EPB41L4A: variants seen among roughly 807,000 people sequenced by gnomAD.
EPB41L4A encodes band 4.1-like protein 4A.
EPB41L4A carries 100 observed loss-of-function variants against 108.6 expected under a neutral mutation model. The ratio of observed to expected loss-of-function variants is 0.92; its 90% CI spans 0.78 to 1.09. The LOEUF is 1.09. Among genes scored for constraint, EPB41L4A ranks in the 50% least tolerant of loss-of-function variants. The pLI, the probability that EPB41L4A is intolerant of heterozygous loss-of-function variation, is 0.00. For missense variants in EPB41L4A, 1,030 were observed against 842.7 expected (o/e 1.22, Z -2.75); for synonymous variants, 319 against 289.0 (o/e 1.10, Z -1.05).
intron 12 of EPB41L4A, among the ~76,000 whole-genome samples, chr5:112,153,092 G>C (rs1214278607): frequency 6.6e-6 from 1 of 152,012 alleles, no homozygotes; most frequent in South Asian, 2.1e-4. Flanking sequence ...GGTGTTGTGG[G>C]CCTGTGGTCC....
intron 1 of EPB41L4A, among the ~76,000 whole-genome samples, chr5:112,342,934 T>C (rs1222016519): frequency 6.6e-6 from 1 of 152,220 alleles, no homozygotes; most frequent in African/African-American, 2.4e-5. Context: ...GTACTTTGGA[T>C]AGAACGGTTT....
At chr5:112,366,296 A>AG (rs1759115511) in intron 1 of EPB41L4A, among the ~76,000 whole-genome samples, 2 of 141,096 alleles carry the variant, frequency 1.4e-5, no homozygotes, top group Admixed American at 1.4e-4. Flanking sequence ...AATCATTTTT[A>AG]GAAAAAAAAA....
At chr5:112,237,837 T>C (rs865936084) in intron 11 of EPB41L4A, among the ~76,000 whole-genome samples, 1 of 152,150 alleles carries the variant, frequency 6.6e-6, no homozygotes, top group Non-Finnish European at 1.5e-5. Flanking sequence ...CTCCTACATA[T>C]AGACATGTAG....
At position 112,259,256 on chromosome 5, in the gene EPB41L4A, T is replaced by C. The variant is rs34755755; in HGVS notation, c.768A>G (p.Gln256=). 1,799 of 1,613,936 alleles carry C rather than the reference T, an allele frequency of 1.1e-3. 18 individuals are homozygous for C. In the African/African-American group the frequency reaches 0.021, roughly 19 times the overall value. ...CTTTTCCCAGTACTCTGAGTTCAAA[T>C]TGAGTCTCCTTGAAGTGAACCTTTG... ...RITKVHFKET[Q]FELRVLGKDC... Residue 256 remains glutamine, a synonymous_variant, in exon 9 of 23, where the codon CAA becomes CAG. Coordinates refer to ENST00000261486, the MANE Select transcript of EPB41L4A (RefSeq NM_022140.5).
intron 3 of EPB41L4A, among the ~76,000 whole-genome samples, chr5:112,279,698 G>A (rs1281926471): frequency 6.6e-6 from 1 of 152,050 alleles, no homozygotes. Context: ...TTGGGTTCTG[G>A]AAATTAAGAT....
intron 1 of EPB41L4A, among the ~76,000 whole-genome samples, chr5:112,388,943 T>TA (rs1046119614): frequency 7.2e-5 from 11 of 152,242 alleles, no homozygotes; most frequent in African/African-American, 2.6e-4. Flanking sequence ...CAGAGGTAAA[T>TA]ACACACTTAA....
intron 2 of EPB41L4A, among the ~76,000 whole-genome samples, chr5:112,301,588 G>T (rs1165640107): frequency 6.6e-6 from 1 of 152,098 alleles, no homozygotes; most frequent in Non-Finnish European, 1.5e-5. Context: ...CCTTCAAAGG[G>T]TCTGTGGATT....
chr5:112,394,282 AAAAGAGGAAGTCAAAT>A (rs1157578151), intron 1 of EPB41L4A, among the ~76,000 whole-genome samples: 1 of 152,224 alleles, frequency 6.6e-6, no homozygotes, highest in Admixed American at 6.5e-5. Flanking sequence ...TTCAATCAGG[AAAAGAGGAAGTCAAAT>A]TGTGCCAGTT....
At chr5:112,358,715 A>G (rs1293890124) in intron 1 of EPB41L4A, among the ~76,000 whole-genome samples, 3 of 152,234 alleles carry the variant, frequency 2.0e-5, no homozygotes, top group Admixed American at 6.5e-5. Flanking sequence ...TATACACACA[A>G]AAGAAATGAG....
At chr5:112,392,401 CAAA>C (rs56256606) in intron 1 of EPB41L4A, among the ~76,000 whole-genome samples, 7 of 35,920 alleles carry the variant, frequency 1.9e-4, no homozygotes, top group East Asian at 2.4e-3. Flanking sequence ...AAATGGAAAG[CAAA>C]AAAAAAAAAA....
intron 17 of EPB41L4A, among the ~76,000 whole-genome samples, chr5:112,188,833 T>C (rs6594574): frequency 0.71 from 108,220 of 151,918 alleles, 38,915 homozygotes; most frequent in East Asian, 0.99. Context: ...ATCCCAAATA[T>C]ATTTTTTCCC....
chr5:112,395,237 T>G (rs572845278), intron 1 of EPB41L4A, among the ~76,000 whole-genome samples: 1 of 152,172 alleles, frequency 6.6e-6, no homozygotes, highest in South Asian at 2.1e-4. Flanking sequence ...AAGCCAAAAT[T>G]GACAAATGGG....
At chr5:112,217,798 G>C (rs1747759016) in intron 12 of EPB41L4A, among the ~76,000 whole-genome samples, 1 of 152,106 alleles carries the variant, frequency 6.6e-6, no homozygotes, top group Non-Finnish European at 1.5e-5. Context: ...CACCAATTTT[G>C]CTACTGCAAG....
intron 1 of EPB41L4A, among the ~76,000 whole-genome samples, chr5:112,393,579 T>C (rs12580355): frequency 6.6e-6 from 1 of 152,164 alleles, no homozygotes. Flanking sequence ...TAACAGGCTC[T>C]GAAATTGAAG....
Position 112,286,564 on chromosome 5 carries a change from G to A in EPB41L4A, c.205-6241C>T, listed in dbSNP as rs55987811. ...ATGGAAACAATCATAAGAGAAATGC[G>A]TATGCATCCTGGCCCCGTCGACCAA... On this transcript the variant is annotated intron_variant, in intron 2 of 22. Transcript: ENST00000261486. Among the ~76,000 whole-genome samples, 889 of 152,186 alleles carry A rather than the reference G, an allele frequency of 5.8e-3. 2 individuals are homozygous for A. The highest frequency in any genetic ancestry group is 0.014 in the Middle Eastern group (4 of 294).
chr5:112,256,084 A>G (rs776702772), intron 9 of EPB41L4A, among the ~76,000 whole-genome samples: 39 of 152,230 alleles, frequency 2.6e-4, no homozygotes, highest in Non-Finnish European at 1.0e-4. Flanking sequence ...ATCCACTGAG[A>G]TAGAGACACT....
chr5:112,287,504 G>T (rs1325296933), intron 2 of EPB41L4A, among the ~76,000 whole-genome samples: 2 of 152,194 alleles, frequency 1.3e-5, no homozygotes, highest in Non-Finnish European at 2.9e-5. Flanking sequence ...TAGTATCCTT[G>T]AGTCTGCCCT....
At chr5:112,191,324 A>G (rs1232846246) in intron 17 of EPB41L4A, among the ~76,000 whole-genome samples, 2 of 152,214 alleles carry the variant, frequency 1.3e-5, no homozygotes, top group Non-Finnish European at 2.9e-5. Context: ...GAGCCTTGTT[A>G]GCTCTGGACC....
intron 12 of EPB41L4A, among the ~76,000 whole-genome samples, chr5:112,156,120 A>G (rs546131913): frequency 9.8e-5 from 15 of 152,328 alleles, no homozygotes; most frequent in African/African-American, 3.6e-4. Context: ...TAACAAAAAA[A>G]GAACCCATAT....
Sources: allele counts gnomAD v4.1 joint callset (sites outside exome capture counted in the v4.1 genomes callset), GRCh38; gene constraint gnomAD v4.1.1; transcripts MANE v1.5; gene names NCBI Gene and HGNC (gene_info 2026-07-23, HGNC 2026-07-21).